The following OGT variants were observed in gnomAD, a reference collection of about 807,000 sequenced individuals.
OGT encodes the protein UDP-N-acetylglucosamine--peptide N-acetylglucosaminyltransferase 110 kDa subunit.
A neutral mutation model predicts 75.8 loss-of-function variants in OGT; 3 were observed. The ratio of observed to expected loss-of-function variants is 0.04; its 90% CI spans 0.02 to 0.10. OGT has a LOEUF of 0.10. OGT is among the 10% of genes least tolerant of loss of function. The probability of loss-of-function intolerance (pLI) is 1.00; values close to 1 mark genes in which losing one functional copy is unlikely to be tolerated. For missense variants in OGT, 260 were observed against 824.4 expected, an observed-to-expected ratio of 0.32 and a Z score of 8.38; for synonymous variants, 257 against 289.7, an observed-to-expected ratio of 0.89 and a Z score of 1.15.
At chrX:71,551,936 G>A (rs189006766) in intron 5 of OGT, among the ~76,000 whole-genome samples, 2 of 111,125 alleles carry the variant, frequency 1.8e-5, no homozygotes, top group East Asian at 2.8e-4. Flanking sequence ...GGCCGGGTGC[G>A]GTAGCTCACC....
intron 5 of OGT, among the ~76,000 whole-genome samples, chrX:71,553,123 G>A (rs1015995632): frequency 4.5e-5 from 5 of 111,110 alleles, no homozygotes; most frequent in Non-Finnish European, 9.5e-5. Flanking sequence ...ACAGAGTCTC[G>A]CTCTGTCGCC....
rs746387566 is a variant in OGT, at chrX:71,559,694, TACTTTA to T, written c.1851+23_1851+28del. The T allele has an allele frequency of 1.8e-6, 2 of 1,128,849 alleles. No individual in the cohort carries two copies. Among genetic ancestry groups the T allele is most frequent in the Non-Finnish European group, 2.4e-6 (2 of 828,189 alleles). The allele number at this position is 1,128,849 out of a possible 1,213,427, so 93.0% of individuals were successfully genotyped here. The stretch of plus-strand genomic sequence containing the variant: ...CTTTCTCAGGTAGATGAAACTCTCA[TACTTTA>T]ACTTTTTATTTTGAGCAAGTTTAAA... On this transcript the variant is annotated intron_variant, in intron 14 of 21. Transcript: ENST00000373719.
chrX:71,546,316 G>C, intron 4 of OGT: 1 of 753,468 alleles, frequency 1.3e-6, no homozygotes, highest in Non-Finnish European at 1.6e-6. Context: ...TCTTGTTTTT[G>C]GTTTTTCACC....
chrX:71,563,966 ATGATAATTCCC>A (rs762331283), intron 18 of OGT, among the ~76,000 whole-genome samples: 1 of 112,233 alleles, frequency 8.9e-6, no homozygotes, highest in Non-Finnish European at 1.9e-5. Flanking sequence ...AGCACAACAG[ATGATAATTCCC>A]TGTGTTTGTA....
chrX:71,559,513 T>A (rs1347441138), intron 13 of OGT, 75 bp from the exon 14 acceptor site: 20 of 1,145,204 alleles, frequency 1.7e-5, no homozygotes, highest in Non-Finnish European at 2.0e-5. Flanking sequence ...CATGGAAACC[T>A]AGTGTCTTTT....
At chrX:71,547,731 T>A in intron 4 of OGT, 176 bp from the exon 5 acceptor site, 1 of 1,080,243 alleles carries the variant, frequency 9.3e-7, no homozygotes. Flanking sequence ...TGGCAGCGCA[T>A]TAGTTTTGGC....
chrX:71,540,242 G>A (rs1435799792), intron 3 of OGT, among the ~76,000 whole-genome samples: 2 of 112,169 alleles, frequency 1.8e-5, no homozygotes, highest in African/African-American at 3.2e-5. Flanking sequence ...TTTATTTCAG[G>A]ATATCTAAAG....
chrX:71,566,116 G>A (rs1172692423), intron 19 of OGT, among the ~76,000 whole-genome samples: 2 of 111,627 alleles, frequency 1.8e-5, no homozygotes, highest in Middle Eastern at 9.3e-3. Context: ...TTTTTTCCCC[G>A]ATATCTGTTT....
Position 71,533,158 on chromosome X carries a change from T to A in OGT, c.-142T>A, listed in dbSNP as rs1329156536. The A allele has an allele frequency of 1.8e-6, 1 of 559,775 alleles. No homozygotes were observed. The highest frequency in any genetic ancestry group is 2.3e-5 in the African/African-American group (1 of 44,079). 46.1% of individuals were successfully genotyped at this position (559,775 alleles called of 1,213,427 possible). On this transcript the variant is annotated 5_prime_UTR_variant, in exon 1 of 22. Transcript: ENST00000373719. ...ATTAGAGTTCCCAGGGTTTGAAGCC[T>A]GTAACTGCTGCCGCCGCTCAAGCCC...
Position 71,551,731 on chromosome X carries a change from C to A in OGT, c.649-2782C>A, listed in dbSNP as rs562013782. On this transcript the variant is annotated intron_variant, in intron 5 of 21. Transcript: ENST00000373719. ...TAAACAATTTCACCAGTGAAGTAGT[C>A]TTGCACAAAGAGAAAAGAACACAAA... 9.8e-5 allele frequency among the ~76,000 whole-genome samples: 11 copies of A among 112,105 alleles called. No homozygotes were observed. In the South Asian group the frequency reaches 3.6e-3, roughly 37 times the overall value.
chrX:71,573,826 C>T lies in OGT; in HGVS notation c.*32C>T, dbSNP rs1385121564. On this transcript the variant is annotated 3_prime_UTR_variant, in exon 22 of 22. Transcript: ENST00000373719. The stretch of plus-strand genomic sequence containing the variant: ...ACTGCACAGGAGAATTACCCCTATA[C>T]CTGAGCCTCAACCTTCTGGGGGAAA... The T allele has an allele frequency of 1.8e-6, 2 of 1,102,868 alleles. No homozygotes were observed. The highest frequency in any genetic ancestry group is 2.4e-6 in the Non-Finnish European group (2 of 823,231). The allele number at this position is 1,102,868 out of a possible 1,213,427, so 90.9% of individuals were successfully genotyped here.
At chrX:71,555,485 G>A in intron 7 of OGT, 100 bp downstream of exon 7, 3 of 761,271 alleles carry the variant, frequency 3.9e-6, no homozygotes, top group Non-Finnish European at 5.7e-6. Context: ...ACTTCGGGAG[G>A]CCGAGATCAG....
In OGT at chrX:71,563,341, G is replaced by T. The variant is rs1404222665; in HGVS notation, c.2278G>T (p.Asp760Tyr). 8.3e-7 allele frequency: 1 copy of T among 1,205,942 alleles called. No homozygotes were observed. Among genetic ancestry groups the T allele is most frequent in the Admixed American group, 2.2e-5 (1 of 45,414 alleles). ...ATTTTTTTTTCAGATGAAGTGTCCT[G>T]ATGGAGGAGACAATGCAGATAGCAG... The part of the protein sequence containing the change: ...DVKIVKMKCP[D>Y]GGDNADSSNT... The change falls in exon 18 of 22, where the codon GAT becomes TAT. Residue 760 changes from aspartate (D) to tyrosine (Y), a missense_variant. Asp to Tyr is a radical substitution (Grantham distance 160). Transcript: ENST00000373719.
At chrX:71,542,791 GA>G (rs1391769359) in intron 3 of OGT, among the ~76,000 whole-genome samples, 2 of 112,279 alleles carry the variant, frequency 1.8e-5, no homozygotes, top group East Asian at 5.5e-4. Flanking sequence ...TTTCAGTTTA[GA>G]AAAAAACATA....
chrX:71,568,159 G>A, intron 21 of OGT, 43 bp downstream of exon 21: 2 of 1,090,016 alleles, frequency 1.8e-6, no homozygotes, highest in Non-Finnish European at 2.5e-6. Flanking sequence ...GTAAAGTAGA[G>A]AGAATATAGC....
At chrX:71,571,375 G>A (rs1251804105) in intron 21 of OGT, among the ~76,000 whole-genome samples, 1 of 111,714 alleles carries the variant, frequency 9.0e-6, no homozygotes, top group Non-Finnish European at 1.9e-5. Context: ...AAATACTTAA[G>A]ATTGGCTGTC....
chrX:71,544,498 A>G (rs1156596796), intron 3 of OGT, 69 bp from the exon 4 acceptor site: 10 of 1,010,499 alleles, frequency 9.9e-6, no homozygotes, highest in African/African-American at 1.9e-5. Context: ...AGATGCTTAA[A>G]AGTGATTTCA....
At chrX:71,572,374 GT>G (rs1165508142) in intron 21 of OGT, among the ~76,000 whole-genome samples, 1 of 112,554 alleles carries the variant, frequency 8.9e-6, no homozygotes, top group Non-Finnish European at 1.9e-5. Flanking sequence ...AAAAAATAGA[GT>G]GCACAGGTCT....
At chrX:71,547,697 C>T (rs1270822907) in intron 4 of OGT, 2 of 1,050,928 alleles carry the variant, frequency 1.9e-6, no homozygotes, top group African/African-American at 3.8e-5. Flanking sequence ...GTTCTGGTGG[C>T]GCAGGCGCAG....
Sources: allele counts gnomAD v4.1 joint callset (sites outside exome capture counted in the v4.1 genomes callset), GRCh38; gene constraint gnomAD v4.1.1; transcripts MANE v1.5; gene names NCBI Gene and HGNC (gene_info 2026-07-23, HGNC 2026-07-21).